ZP1: variants seen among roughly 807,000 people sequenced by gnomAD.
ZP1 encodes zona pellucida glycoprotein 1.
ZP1 carries 58 observed loss-of-function variants against 67.4 expected under a neutral mutation model. The observed-to-expected ratio is 0.86, with a 90% CI of 0.70 to 1.07. The LOEUF is 1.07. Ranked by LOEUF, ZP1 falls within the 50% of genes least tolerant of loss-of-function variation. The probability of loss-of-function intolerance (pLI) is 0.00; values close to 1 mark genes in which losing one functional copy is unlikely to be tolerated. For synonymous variants in ZP1, 333 were observed against 332.7 expected, an observed-to-expected ratio of 1.00 and a Z score of -0.01; for missense variants, 759 against 807.3, an observed-to-expected ratio of 0.94 and a Z score of 0.72.
chr11:60,875,543 C>T lies in ZP1; in HGVS notation c.1804C>T (p.Leu602Phe). ...CAATGGGAACTCCAGCCTGAGACCTCTCCTTTGGGCGGTCCTTTTGCTGCC... is the reference window on the plus strand; with the variant it reads ...CAATGGGAACTCCAGCCTGAGACCTTTCCTTTGGGCGGTCCTTTTGCTGCC... ...DSNGNSSLRP[L>F]LWAVLLLPAV... The change falls in exon 12 of 12, where the codon CTC becomes TTC. Residue 602 changes from leucine (L) to phenylalanine (F), a missense_variant. Physicochemically the swap from Leu to Phe is conservative, Grantham distance 22 (BLOSUM62 0). Coordinates refer to ENST00000278853, the MANE Select transcript of ZP1 (RefSeq NM_207341.4). The T allele has an allele frequency of 6.2e-7, 1 of 1,614,096 alleles. No homozygotes were observed. The highest frequency in any genetic ancestry group is 8.5e-7 in the Non-Finnish European group (1 of 1,179,966).
Position 60,869,730 on chromosome 11 carries a change from C to T in ZP1, c.512C>T (p.Thr171Ile), listed in dbSNP as rs748532601. 3.1e-6 allele frequency: 5 copies of T among 1,613,882 alleles called. No individual in the cohort carries two copies. In the South Asian group the frequency reaches 5.5e-5, roughly 18 times the overall value. Reference sequence around the variant, plus strand: ...TCCTTCCTCCCCACCTCTGGCCATACCTCCCAAGGCTCTGGCCATGCCTTT... The same window carrying T: ...TCCTTCCTCCCCACCTCTGGCCATATCTCCCAAGGCTCTGGCCATGCCTTT... ...TLSFLPTSGH[T>I]SQGSGHAFPS... The change falls in exon 3 of 12, where the codon ACC (threonine) becomes ATC (isoleucine). Residue 171 changes from threonine to isoleucine, a missense_variant. By Grantham distance (89) the Thr-to-Ile change is moderately conservative. Coordinates refer to ENST00000278853, the MANE Select transcript of ZP1 (RefSeq NM_207341.4).
chr11:60,873,360 T>TCACTA lies in ZP1; in HGVS notation c.1241-11_1241-10insACACT. 1 of 1,595,912 alleles carries TCACTA rather than the reference T, an allele frequency of 6.3e-7. No individual in the cohort carries two copies. The highest frequency in any genetic ancestry group is 8.6e-7 in the Non-Finnish European group (1 of 1,165,450). The stretch of plus-strand genomic sequence containing the variant: ...TGCACAGCCCGCCCTGGCTCATGAG[T>TCACTA]CACTCTCCCTGCAGACGAGACCTTC... On this transcript the variant is annotated splice_polypyrimidine_tract_variant and intron_variant, in intron 7 of 11. Coordinates refer to ENST00000278853, the MANE Select transcript of ZP1 (RefSeq NM_207341.4).
chr11:60,875,007 C>T lies in ZP1; in HGVS notation c.1647C>T (p.Gly549=). 1 of 1,614,264 alleles carries T rather than the reference C, an allele frequency of 6.2e-7. No homozygotes were observed. The highest frequency in any genetic ancestry group is 8.5e-7 in the Non-Finnish European group (1 of 1,180,048). The change falls in exon 10 of 12, where the codon GGC becomes GGT. Residue 549 remains glycine, a synonymous_variant. Coordinates refer to ENST00000278853, the MANE Select transcript of ZP1 (RefSeq NM_207341.4). The part of the protein sequence containing the change: ...LETCSTACST[G]TTRQRRSSGH... Reference sequence around the variant, plus strand: ...CTTGCTCCACTGCATGTAGCACTGGCACTACAAGTGAGTCTGGGTTGCGAG... The same window carrying T: ...CTTGCTCCACTGCATGTAGCACTGGTACTACAAGTGAGTCTGGGTTGCGAG...
intron 9 of ZP1, 46 bp downstream of exon 9, chr11:60,873,821 G>A: frequency 6.2e-7 from 1 of 1,606,680 alleles, no homozygotes; most frequent in Non-Finnish European, 8.5e-7. Context: ...CTGTTAAGTG[G>A]GAGGAGCTGG....
chr11:60,868,947 C>G (rs773354240), intron 1 of ZP1, among the ~76,000 whole-genome samples, 198 bp from the exon 2 acceptor site: 7 of 152,212 alleles, frequency 4.6e-5, no homozygotes, highest in Non-Finnish European at 7.3e-5. Flanking sequence ...ATCCTAAGAC[C>G]CTCCCATCCC....
At position 60,869,578 on chromosome 11, in the gene ZP1, G is replaced by A; in HGVS notation, c.360G>A (p.Leu120=). 3 of 1,613,206 alleles carry A rather than the reference G, an allele frequency of 1.9e-6. No individual in the cohort carries two copies. Among genetic ancestry groups the A allele is most frequent in the Non-Finnish European group, 2.5e-6 (3 of 1,179,424 alleles). Residue 120 remains leucine (L), a synonymous_variant, in exon 3 of 12, where the codon CTG becomes CTA. Transcript: ENST00000278853. The part of the protein sequence containing the change: ...FHLRVFMEAV[L]PNGRVDVAQD... ...TGAGGGTGTTCATGGAGGCTGTGCTGCCCAATGGTCGTGTGGATGTGGCAC... is the reference window on the plus strand; with the variant it reads ...TGAGGGTGTTCATGGAGGCTGTGCTACCCAATGGTCGTGTGGATGTGGCAC...
Position 60,874,981 on chromosome 11 carries a change from A to T in ZP1, c.1621A>T (p.Thr541Ser). Residue 541 changes from threonine to serine, a missense_variant, in exon 10 of 12, where the codon ACT (threonine) becomes TCT (serine). Thr to Ser is a moderately conservative substitution (Grantham distance 58). Transcript: ENST00000278853. ...TSACHTSGLE[T>S]CSTACSTGTT... ...TGCCTGCCACACCTCAGGGCTGGAGACTTGCTCCACTGCATGTAGCACTGG... is the reference window on the plus strand; with the variant it reads ...TGCCTGCCACACCTCAGGGCTGGAGTCTTGCTCCACTGCATGTAGCACTGG... 4.3e-6 allele frequency: 7 copies of T among 1,614,200 alleles called. No homozygotes were observed. Among genetic ancestry groups the T allele is most frequent in the Non-Finnish European group, 5.9e-6 (7 of 1,180,038 alleles).
At chr11:60,869,354 C>A in intron 2 of ZP1, 88 bp downstream of exon 2, 2 of 1,565,138 alleles carry the variant, frequency 1.3e-6, no homozygotes, top group Non-Finnish European at 8.7e-7. Context: ...CAGAAAGGAG[C>A]CAAAGCCGAA....
chr11:60,870,745 G>C, intron 4 of ZP1: 2 of 682,336 alleles, frequency 2.9e-6, no homozygotes, highest in Non-Finnish European at 2.4e-6. Context: ...AGATTATATG[G>C]TGAACCTACT....
At chr11:60,875,398 C>T (rs943984426) in intron 11 of ZP1, 116 bp from the exon 12 acceptor site, 1 of 1,516,988 alleles carries the variant, frequency 6.6e-7, no homozygotes, top group Non-Finnish European at 8.9e-7. Context: ...CAGACACAGT[C>T]CACCTCATCT....
rs547244092 is a variant in ZP1, at chr11:60,873,562, C to T, written c.1428C>T (p.Asp476=). The change falls in exon 8 of 12, where the codon GAC becomes GAT. Residue 476 remains aspartate, a splice_region_variant and synonymous_variant. Transcript: ENST00000278853. ...AGCCCCAGTGGCCCATCCTGTCAGA[C>T]GGGTGAGTGCCCCCACACTCCCCCC... The part of the protein sequence containing the change: ...FQQPQWPILS[D]GCPFKGDSYR... 3.8e-5 allele frequency: 61 copies of T among 1,612,958 alleles called. No homozygotes were observed. The highest frequency in any genetic ancestry group is 3.1e-4 in the African/African-American group (23 of 75,008).
intron 6 of ZP1, 48 bp from the exon 7 acceptor site, chr11:60,873,114 G>A (rs1855612746): frequency 6.6e-7 from 1 of 1,514,532 alleles, no homozygotes; most frequent in South Asian, 1.3e-5. Flanking sequence ...TAAACAGGAT[G>A]CTCTGATTCT....
chr11:60,870,538 C>G, intron 4 of ZP1, 63 bp downstream of exon 4: 1 of 1,517,900 alleles, frequency 6.6e-7, no homozygotes, highest in Non-Finnish European at 8.8e-7. Flanking sequence ...GGAGAGCTGT[C>G]TCCTCCAGCT....
intron 6 of ZP1, among the ~76,000 whole-genome samples, chr11:60,872,448 G>GCATCTC (rs1243052544): frequency 6.6e-6 from 1 of 152,148 alleles, no homozygotes. Context: ...TACCTACTCA[G>GCATCTC]CATCTCCTTG....
In ZP1 at chr11:60,871,153, C is replaced by T. The variant is rs377224060; in HGVS notation, c.1014+9C>T. ...GTGGAACCACAATGCAGGTAGGAGC[C>T]GGGACCACAGGCTGGGGCCTGGTCC... On this transcript the variant is annotated intron_variant, in intron 5 of 11. Transcript: ENST00000278853. The T allele has an allele frequency of 1.8e-5, 29 of 1,613,764 alleles. No homozygotes were observed. The highest frequency in any genetic ancestry group is 1.6e-4 in the Middle Eastern group (1 of 6,082).
At chr11:60,868,770 C>G (rs1855513079) in intron 1 of ZP1, among the ~76,000 whole-genome samples, 1 of 152,194 alleles carries the variant, frequency 6.6e-6, no homozygotes, top group African/African-American at 2.4e-5. Flanking sequence ...AGCTCACGCA[C>G]CCTCCCTTCC....
chr11:60,874,422 G>C (rs991760154), intron 9 of ZP1, among the ~76,000 whole-genome samples: 5 of 152,210 alleles, frequency 3.3e-5, no homozygotes, highest in Admixed American at 2.6e-4. Context: ...CTGCCCTTCT[G>C]TATCTGGAAG....
At chr11:60,869,309 A>G (rs1263017393) in intron 2 of ZP1, 43 bp downstream of exon 2, 1 of 1,611,112 alleles carries the variant, frequency 6.2e-7, no homozygotes, top group Admixed American at 1.7e-5. Flanking sequence ...AGCTTGTCCT[A>G]GTGTCATGTC....
intron 1 of ZP1, among the ~76,000 whole-genome samples, chr11:60,868,000 A>T (rs868255749): frequency 3.3e-5 from 5 of 151,208 alleles, no homozygotes; most frequent in African/African-American, 1.2e-4. Context: ...GTTCTGATTC[A>T]GTGGACCTGG....
Sources: allele counts gnomAD v4.1 joint callset (sites outside exome capture counted in the v4.1 genomes callset), GRCh38; gene constraint gnomAD v4.1.1; transcripts MANE v1.5; gene names NCBI Gene and HGNC (gene_info 2026-07-23, HGNC 2026-07-21).